Variants in MAP4 observed in about 807,000 individuals in gnomAD.
The protein encoded by MAP4 is microtubule-associated protein 4.
A neutral mutation model predicts 170.2 loss-of-function variants in MAP4; 76 were observed. That is an observed-to-expected ratio of 0.45 (90% CI 0.37 to 0.54). The LOEUF (loss-of-function observed/expected upper bound fraction) is 0.54. Ranked by LOEUF, MAP4 falls within the 20% of genes least tolerant of loss-of-function variation. MAP4 has a pLI of 0.00. For missense variants in MAP4, 2,506 were observed against 2,748.0 expected, an observed-to-expected ratio of 0.91 and a Z score of 1.97; for synonymous variants, 909 against 994.5, an observed-to-expected ratio of 0.91 and a Z score of 1.62.
Position 47,855,111 on chromosome 3 carries a change from G to C in MAP4, c.6696+137C>G. 1 of 642,326 alleles carries C rather than the reference G, an allele frequency of 1.6e-6. No individual in the cohort carries two copies. Among genetic ancestry groups the C allele is most frequent in the Non-Finnish European group, 2.8e-6 (1 of 352,882 alleles). The allele number at this position is 642,326 out of a possible 1,614,324, so 39.8% of individuals were successfully genotyped here. A position where few individuals can be genotyped will look rare whatever the true frequency, so the allele number is the denominator to read the frequency against. On this transcript the variant is annotated intron_variant, in intron 19 of 20. Transcript: ENST00000683076. The surrounding 1 kb of genome is among the most constrained non-coding windows in gnomAD (Gnocchi z 5.1). ...GACTGATGATACACGGTGGGAAAAC[G>C]GCAATGGTGTGGGTGAAGACATGAC...
intron 1 of MAP4, among the ~76,000 whole-genome samples, chr3:48,027,609 C>A (rs953903880): frequency 1.3e-5 from 2 of 152,134 alleles, no homozygotes; most frequent in African/African-American, 2.4e-5. Context: ...CTTTAGGAGG[C>A]TGAAATGGGA....
intron 1 of MAP4, among the ~76,000 whole-genome samples, chr3:48,056,628 C>A (rs1579639013): frequency 7.8e-6 from 1 of 128,468 alleles, no homozygotes; most frequent in Admixed American, 7.1e-5. Context: ...GGGGGTCAGC[C>A]CCCCGCCCGG....
In MAP4 at chr3:47,909,381, C is replaced by T. The variant is rs752769688; in HGVS notation, c.5040G>A (p.Thr1680=). 38 of 1,613,786 alleles carry T rather than the reference C, an allele frequency of 2.4e-5. No individual in the cohort carries two copies. Among genetic ancestry groups the T allele is most frequent in the Admixed American group, 2.0e-4 (12 of 59,986 alleles). Reference sequence around the variant, plus strand: ...TTGGCAAGGAAACGCTTTCCAATTCCGTGATTTTACAAGCCAGACTAATTT... The same window carrying T: ...TTGGCAAGGAAACGCTTTCCAATTCTGTGATTTTACAAGCCAGACTAATTT... ...LKEISLACKI[T]ELESVSLPTP... is the part of the protein sequence containing the mutation. The change falls in exon 9 of 21, where the codon ACG becomes ACA. Residue 1680 remains threonine (T), a synonymous_variant. Transcript: ENST00000683076.
intron 3 of MAP4, among the ~76,000 whole-genome samples, chr3:47,941,553 G>C (rs978733522): frequency 1.3e-5 from 2 of 151,560 alleles, no homozygotes; most frequent in Non-Finnish European, 2.9e-5. Context: ...CGAGGTGGGC[G>C]GATCAAGAGG....
At chr3:48,082,604 C>T (rs980610989) in intron 1 of MAP4, among the ~76,000 whole-genome samples, 6 of 151,692 alleles carry the variant, frequency 4.0e-5, no homozygotes, top group Non-Finnish European at 8.8e-5. Flanking sequence ...GAGTTCAAGA[C>T]CAGCCTGGGC....
chr3:47,940,819 C>T (rs1218463534), intron 3 of MAP4, among the ~76,000 whole-genome samples: 1 of 152,110 alleles, frequency 6.6e-6, no homozygotes, highest in Non-Finnish European at 1.5e-5. Context: ...CAGTAGTTCA[C>T]CCCTGTAAAC....
At chr3:48,046,438 G>C (rs1439350811) in intron 1 of MAP4, among the ~76,000 whole-genome samples, 1 of 152,210 alleles carries the variant, frequency 6.6e-6, no homozygotes, top group Non-Finnish European at 1.5e-5. Flanking sequence ...AAGTGAAAGT[G>C]TATATGAGAA....
intron 1 of MAP4, among the ~76,000 whole-genome samples, chr3:48,046,733 T>G (rs184588366): frequency 6.6e-6 from 1 of 152,308 alleles, no homozygotes; most frequent in East Asian, 1.9e-4. Flanking sequence ...TCCTTTCTTT[T>G]CCTCTGTTGA....
At chr3:47,997,326 TAAAA>T in intron 2 of MAP4, among the ~76,000 whole-genome samples, 13 of 44,994 alleles carry the variant, frequency 2.9e-4, no homozygotes, top group African/African-American at 1.0e-3. Context: ...TTTAAACTGC[TAAAA>T]AAAAAAAAAA....
At chr3:47,945,517 T>C (rs1421229023) in intron 3 of MAP4, among the ~76,000 whole-genome samples, 1 of 151,946 alleles carries the variant, frequency 6.6e-6, no homozygotes, top group Non-Finnish European at 1.5e-5. Context: ...ACCTAGGTGG[T>C]GCCTAATAAA....
chr3:48,061,358 G>A (rs1308790280), intron 1 of MAP4, among the ~76,000 whole-genome samples: 2 of 152,270 alleles, frequency 1.3e-5, no homozygotes, highest in African/African-American at 2.4e-5. Context: ...ACGCCTGACC[G>A]GTTTTCGTAT....
chr3:48,031,409 G>T (rs1218420290), intron 1 of MAP4, among the ~76,000 whole-genome samples: 3 of 152,154 alleles, frequency 2.0e-5, no homozygotes, highest in African/African-American at 7.2e-5. Flanking sequence ...AAGTTAGCTG[G>T]GTGTGGTGGC....
At chr3:47,906,498 A>G (rs1290066778) in intron 9 of MAP4, among the ~76,000 whole-genome samples, 2 of 151,984 alleles carry the variant, frequency 1.3e-5, no homozygotes, top group Non-Finnish European at 2.9e-5. Flanking sequence ...AGCCTGACCA[A>G]CATGGAGAAA....
In MAP4 at chr3:47,929,627, CAAAAAAAAAAAAAAA is replaced by C. The variant is rs71070242; in HGVS notation, c.293-1292_293-1278del. Among the ~76,000 whole-genome samples, 33 of 11,208 alleles carry C rather than the reference CAAAAAAAAAAAAAAA, an allele frequency of 2.9e-3. No homozygotes were observed. In the South Asian group the frequency reaches 0.11, roughly 37 times the overall value. 7.4% of individuals were successfully genotyped at this position (11,208 alleles called of 152,430 possible). On this transcript the variant is annotated intron_variant, in intron 3 of 20. Transcript: ENST00000683076. ...GTAGCTCACTTGCTAACTTATTATGCAAAAAAAAAAAAAAAAAAAAAAAAAAAAAAGACAAGACAA... is the reference window on the plus strand; with the variant it reads ...GTAGCTCACTTGCTAACTTATTATGCAAAAAAAAAAAAAAAGACAAGACAA...
At chr3:47,917,585 CAAA>C (rs397877787) in intron 6 of MAP4, among the ~76,000 whole-genome samples, 6 of 92,716 alleles carry the variant, frequency 6.5e-5, no homozygotes, top group Admixed American at 1.2e-4. Context: ...GAGTCCGTCT[CAAA>C]AAAAAAAAAA....
chr3:47,979,783 T>G (rs1166947576), intron 2 of MAP4, among the ~76,000 whole-genome samples: 2 of 152,008 alleles, frequency 1.3e-5, no homozygotes, highest in Non-Finnish European at 2.9e-5. Context: ...TAAGGTAATA[T>G]GAGCCCTCCA....
In MAP4 at chr3:47,921,813, C is replaced by T; in HGVS notation, c.481G>A (p.Asp161Asn). 3 of 1,612,228 alleles carry T rather than the reference C, an allele frequency of 1.9e-6. No homozygotes were observed. The South Asian group carries it at 3.3e-5, about 18-fold the overall frequency. Reference sequence around the variant, plus strand: ...TTTTGTCCTGCAAATATTGAAGTATCAGCTGTCGCACTGGAGGGAAAGACC... The same window carrying T: ...TTTTGTCCTGCAAATATTGAAGTATTAGCTGTCGCACTGGAGGGAAAGACC... The part of the protein sequence containing the change: ...DLVFPSSATA[D>N]TSIFAGQNDP... The change falls in exon 5 of 21, where the codon GAT (aspartate) becomes AAT (asparagine). Residue 161 changes from aspartate to asparagine, a missense_variant. Asp to Asn is a conservative substitution (Grantham distance 23). Transcript: ENST00000683076.
intron 1 of MAP4, among the ~76,000 whole-genome samples, chr3:48,044,066 G>A (rs2100123051): frequency 6.6e-6 from 1 of 151,630 alleles, no homozygotes; most frequent in Admixed American, 6.6e-5. Flanking sequence ...GGATGGTCTC[G>A]ATCTCCTGAC....
intron 3 of MAP4, chr3:47,975,309 G>A (rs2100081316): frequency 1.3e-6 from 2 of 1,516,864 alleles, no homozygotes; most frequent in Non-Finnish European, 8.9e-7. Flanking sequence ...GCAGAAATAG[G>A]CCCCGAAGAA....
Sources: allele counts gnomAD v4.1 joint callset (sites outside exome capture counted in the v4.1 genomes callset), GRCh38; gene constraint gnomAD v4.1.1; non-coding constraint Gnocchi (gnomAD v3.1); transcripts MANE v1.5; gene names NCBI Gene and HGNC (gene_info 2026-07-23, HGNC 2026-07-21).